BFSP2: variants seen among roughly 807,000 people sequenced by gnomAD.
BFSP2 encodes phakinin.
Under a neutral mutation model 44.9 loss-of-function variants are expected in BFSP2, and 38 were observed. The ratio of observed to expected loss-of-function variants is 0.85; its 90% CI spans 0.65 to 1.11. BFSP2 has a LOEUF of 1.11. Among genes scored for constraint, BFSP2 ranks in the 50% least tolerant of loss-of-function variants. The probability of loss-of-function intolerance (pLI) is 0.00; values close to 1 mark genes in which losing one functional copy is unlikely to be tolerated. For missense variants in BFSP2, 525 were observed against 533.0 expected, an observed-to-expected ratio of 0.99 and a Z score of 0.15; for synonymous variants, 197 against 209.9, an observed-to-expected ratio of 0.94 and a Z score of 0.53.
chr3:133,461,281 C>A (rs1193617802), intron 4 of BFSP2, among the ~76,000 whole-genome samples: 1 of 152,128 alleles, frequency 6.6e-6, no homozygotes, highest in African/African-American at 2.4e-5. Context: ...CTTCTCACAT[C>A]CTTCATGTGC....
At chr3:133,459,365 C>A (rs907014065) in intron 4 of BFSP2, among the ~76,000 whole-genome samples, 5 of 152,138 alleles carry the variant, frequency 3.3e-5, no homozygotes, top group Admixed American at 2.6e-4. Context: ...ATAGAAAAAT[C>A]TATTTTTCTC....
At chr3:133,447,265 A>G in intron 1 of BFSP2, 52 bp from the exon 2 acceptor site, 1 of 1,596,150 alleles carries the variant, frequency 6.3e-7, no homozygotes, top group Admixed American at 1.7e-5. Context: ...GTGGTAAGTG[A>G]TCTTGACGCT....
chr3:133,461,061 C>T (rs777194017), intron 4 of BFSP2, among the ~76,000 whole-genome samples: 4 of 152,192 alleles, frequency 2.6e-5, no homozygotes, highest in South Asian at 2.1e-4. Flanking sequence ...CCTGAACACT[C>T]GCCTTCCCCT....
intron 4 of BFSP2, among the ~76,000 whole-genome samples, chr3:133,460,222 C>T (rs919558500): frequency 6.6e-6 from 1 of 152,168 alleles, no homozygotes; most frequent in African/African-American, 2.4e-5. Context: ...ATCTTCCCAA[C>T]ATGAGATAGG....
intron 5 of BFSP2, among the ~76,000 whole-genome samples, chr3:133,469,101 A>G (rs1245729690): frequency 1.3e-5 from 2 of 152,206 alleles, no homozygotes; most frequent in Non-Finnish European, 2.9e-5. Flanking sequence ...AAAAAATGGA[A>G]AAATAATTTA....
chr3:133,463,734 G>C (rs2074085144), intron 4 of BFSP2, among the ~76,000 whole-genome samples: 1 of 152,050 alleles, frequency 6.6e-6, no homozygotes, highest in Non-Finnish European at 1.5e-5. Flanking sequence ...TCTATCTTTA[G>C]GGAGACTGCT....
chr3:133,413,138 C>T (rs1184168239), intron 1 of BFSP2, among the ~76,000 whole-genome samples: 4 of 152,138 alleles, frequency 2.6e-5, no homozygotes, highest in African/African-American at 9.7e-5. Flanking sequence ...GGGGTATATA[C>T]TCTTTGACAC....
chr3:133,456,084 G>T (rs1012781049), intron 4 of BFSP2, among the ~76,000 whole-genome samples: 1 of 152,142 alleles, frequency 6.6e-6, no homozygotes, highest in African/African-American at 2.4e-5. Context: ...TGGTTGCCCG[G>T]ATGTGAGAGA....
At chr3:133,470,587 G>A (rs1189618332) in intron 5 of BFSP2, among the ~76,000 whole-genome samples, 2 of 152,180 alleles carry the variant, frequency 1.3e-5, no homozygotes, top group Non-Finnish European at 2.9e-5. Flanking sequence ...ATGGTGCATG[G>A]GAAGATGAGA....
intron 2 of BFSP2, among the ~76,000 whole-genome samples, chr3:133,447,885 T>C (rs1201446959): frequency 6.6e-6 from 1 of 152,174 alleles, no homozygotes; most frequent in African/African-American, 2.4e-5. Context: ...GCACAAGCCA[T>C]AGACTAATTA....
At chr3:133,457,533 C>A (rs1377197276) in intron 4 of BFSP2, among the ~76,000 whole-genome samples, 3 of 152,082 alleles carry the variant, frequency 2.0e-5, no homozygotes, top group African/African-American at 7.2e-5. Flanking sequence ...AAACATTTTA[C>A]CCATATACAA....
At chr3:133,416,660 C>G (rs1456450153) in intron 1 of BFSP2, among the ~76,000 whole-genome samples, 1 of 145,522 alleles carries the variant, frequency 6.9e-6, no homozygotes, top group Non-Finnish European at 1.5e-5. Context: ...CTGTCCTCTC[C>G]CCTCTACTCA....
chr3:133,412,897 G>A (rs2073470257), intron 1 of BFSP2, among the ~76,000 whole-genome samples: 1 of 152,210 alleles, frequency 6.6e-6, no homozygotes, highest in Non-Finnish European at 1.5e-5. Flanking sequence ...GAGAAACAAC[G>A]CAGCAGAATC....
At chr3:133,457,357 CT>C (rs1275458215) in intron 4 of BFSP2, among the ~76,000 whole-genome samples, 1 of 152,140 alleles carries the variant, frequency 6.6e-6, no homozygotes, top group Non-Finnish European at 1.5e-5. Context: ...TTTAAATTGA[CT>C]TTTATTTTAT....
chr3:133,446,611 T>C (rs1166053629), intron 1 of BFSP2, among the ~76,000 whole-genome samples: 1 of 56,632 alleles, frequency 1.8e-5, no homozygotes, highest in African/African-American at 1.0e-4. Context: ...TATATATATA[T>C]ATATATATAT....
At chr3:133,405,966 A>G (rs1297777280) in intron 1 of BFSP2, among the ~76,000 whole-genome samples, 2 of 151,926 alleles carry the variant, frequency 1.3e-5, no homozygotes, top group African/African-American at 4.8e-5. Context: ...ATTTTTATTT[A>G]TTTATTTTTT....
intron 4 of BFSP2, among the ~76,000 whole-genome samples, chr3:133,462,681 A>G (rs1303899948): frequency 6.6e-6 from 1 of 152,246 alleles, no homozygotes; most frequent in African/African-American, 2.4e-5. Context: ...ATATAATTTT[A>G]GAAATAACAC....
chr3:133,445,115 A>G (rs1291519416), intron 1 of BFSP2, among the ~76,000 whole-genome samples: 6 of 152,274 alleles, frequency 3.9e-5, no homozygotes, highest in Non-Finnish European at 7.3e-5. Flanking sequence ...AAATTAAGGC[A>G]AGAATGAATG....
intron 1 of BFSP2, among the ~76,000 whole-genome samples, chr3:133,421,002 C>T (rs11712776): frequency 0.62 from 94,226 of 152,058 alleles, 31,301 homozygotes; most frequent in East Asian, 0.83. Context: ...TCCTTATCTA[C>T]ACATTAAGGG....
Sources: allele counts gnomAD v4.1 joint callset (sites outside exome capture counted in the v4.1 genomes callset), GRCh38; gene constraint gnomAD v4.1.1; transcripts MANE v1.5; gene names NCBI Gene and HGNC (gene_info 2026-07-23, HGNC 2026-07-21).